The following ZNF787 variants were observed in gnomAD, a reference collection of about 807,000 sequenced individuals.
ZNF787 encodes zinc finger protein 787.
Under a neutral mutation model 16.9 loss-of-function variants are expected in ZNF787, and 7 were observed. That is an observed-to-expected ratio of 0.42 (90% CI 0.24 to 0.78). The LOEUF (loss-of-function observed/expected upper bound fraction) is 0.78, where lower values mean the gene tolerates loss of function less well. Ranked by LOEUF, ZNF787 falls within the 30% of genes least tolerant of loss-of-function variation. ZNF787 has a pLI of 0.30. For missense variants in ZNF787, 551 were observed against 589.3 expected, an observed-to-expected ratio of 0.94 and a Z score of 0.67; for synonymous variants, 345 against 270.9, an observed-to-expected ratio of 1.27 and a Z score of -2.69.
At chr19:56,108,333 C>T (rs2029888570) in intron 1 of ZNF787, among the ~76,000 whole-genome samples, 1 of 135,206 alleles carries the variant, frequency 7.4e-6, no homozygotes, top group Non-Finnish European at 1.6e-5. Flanking sequence ...GCCCAGAGCT[C>T]CCCGGCTCCC....
chr19:56,113,402 C>T lies in ZNF787; in HGVS notation c.-11+7770G>A, dbSNP rs139320235. Among the ~76,000 whole-genome samples the T allele has an allele frequency of 2.6e-3, 400 of 152,304 alleles. 1 individual carries two copies. The highest frequency in any genetic ancestry group is 9.1e-3 in the African/African-American group (378 of 41,558). ...CCGAGAGAAAACATGCGTCCGTCCA[C>T]GCAAAAATCTGCACACGAATGTTCA... On this transcript the variant is annotated intron_variant, in intron 1 of 2. Coordinates refer to ENST00000610935, the MANE Select transcript of ZNF787 (RefSeq NM_001002836.4).
intron 2 of ZNF787, among the ~76,000 whole-genome samples, chr19:56,092,378 G>A (rs1985640713): frequency 6.6e-6 from 1 of 152,110 alleles, no homozygotes; most frequent in Non-Finnish European, 1.5e-5. Context: ...CGAGGGGATG[G>A]GCTGGGGGGC....
chr19:56,098,603 T>C lies in ZNF787; in HGVS notation c.79+4536A>G, dbSNP rs551709878. ...CCACCAGGTGATTACGGCCGCAGGG[T>C]GATGCCGCCCGGGTGATTACGGCCG... On this transcript the variant is annotated intron_variant, in intron 2 of 2. Coordinates refer to ENST00000610935, the MANE Select transcript of ZNF787 (RefSeq NM_001002836.4). Among the ~76,000 whole-genome samples, 481 of 135,452 alleles carry C rather than the reference T, an allele frequency of 3.6e-3. 34 individuals carry two copies. Among genetic ancestry groups the C allele is most frequent in the African/African-American group, 0.014 (447 of 32,302 alleles). 88.9% of individuals were successfully genotyped at this position (135,452 alleles called of 152,430 possible).
Position 56,088,276 on chromosome 19 carries a change from T to C in ZNF787, c.896A>G (p.Gln299Arg). The change falls in exon 3 of 3, where the codon CAG becomes CGG. Residue 299 changes from glutamine (Q) to arginine (R), a missense_variant. Gln to Arg is a conservative substitution (Grantham distance 43). Coordinates refer to ENST00000610935, the MANE Select transcript of ZNF787 (RefSeq NM_001002836.4). The surrounding 1 kb of genome is among the most constrained non-coding windows in gnomAD (Gnocchi z 8.6). ...FGHGAGLLAH[Q>R]RAQHGDGLGA... ...GAGCCCGTCCCCGTGCTGGGCCCGCTGGTGCGCCAGGAGCCCGGCCCCGTG... is the reference window on the plus strand; with the variant it reads ...GAGCCCGTCCCCGTGCTGGGCCCGCCGGTGCGCCAGGAGCCCGGCCCCGTG... 1.4e-6 allele frequency: 2 copies of C among 1,406,268 alleles called. No individual in the cohort carries two copies. The highest frequency in any genetic ancestry group is 1.8e-6 in the Non-Finnish European group (2 of 1,083,862). 87.1% of individuals were successfully genotyped at this position (1,406,268 alleles called of 1,614,324 possible). A position where few individuals can be genotyped will look rare whatever the true frequency, so the allele number is the denominator to read the frequency against.
intron 2 of ZNF787, among the ~76,000 whole-genome samples, chr19:56,096,262 T>TAAAAAAAAAAAAAAATA (rs1555776030): frequency 7.2e-6 from 1 of 138,656 alleles, no homozygotes. Flanking sequence ...ATAAAAAAAA[T>TAAAAAAAAAAAAAAATA]AAAAAAACTA....
intron 2 of ZNF787, among the ~76,000 whole-genome samples, chr19:56,092,161 G>C (rs562720969): frequency 6.6e-6 from 1 of 152,262 alleles, no homozygotes; most frequent in East Asian, 1.9e-4. Context: ...AGAAGAGCAC[G>C]GTGAGGAGCA....
chr19:56,107,306 C>T (rs1399428201), intron 1 of ZNF787, among the ~76,000 whole-genome samples: 1 of 152,162 alleles, frequency 6.6e-6, no homozygotes, highest in Non-Finnish European at 1.5e-5. Context: ...AGTCTATGCC[C>T]AGTACCACCC....
rs148473151 is a variant in ZNF787, at chr19:56,094,278, C to T, written c.80-5186G>A. ...AACCTCTGCCCTCAAGTGATCCACC[C>T]GCCTTGGCCTCCCAAAGTGCTGGGA... is the stretch of plus-strand genomic sequence containing the variant. On this transcript the variant is annotated intron_variant, in intron 2 of 2. Transcript: ENST00000610935. Among the ~76,000 whole-genome samples, 452 of 150,930 alleles carry T rather than the reference C, an allele frequency of 3.0e-3. 2 individuals carry two copies. Among genetic ancestry groups the T allele is most frequent in the African/African-American group, 0.01 (425 of 41,072 alleles).
At position 56,120,746 on chromosome 19, in the gene ZNF787, G is replaced by A. The variant is rs545992326; in HGVS notation, c.-11+426C>T. On this transcript the variant is annotated intron_variant, in intron 1 of 2. Coordinates refer to ENST00000610935, the MANE Select transcript of ZNF787 (RefSeq NM_001002836.4). The stretch of plus-strand genomic sequence containing the variant: ...ACCTGGGCCTCAACTTCCCCCCGAA[G>A]TCGCCACCACTTCCGGCCACGACCG... Among the ~76,000 whole-genome samples the A allele has an allele frequency of 6.7e-5, 10 of 149,034 alleles. No individual in the cohort carries two copies. The South Asian group carries it at 2.1e-3, about 32-fold the overall frequency.
chr19:56,107,693 G>C (rs1355081854), intron 1 of ZNF787, among the ~76,000 whole-genome samples: 1 of 152,032 alleles, frequency 6.6e-6, no homozygotes, highest in Admixed American at 6.6e-5. Flanking sequence ...GGGGGTCTAG[G>C]GGGAGAAAGT....
In ZNF787 at chr19:56,087,901, G is replaced by T. The variant is rs561269461; in HGVS notation, c.*122C>A. The T allele has an allele frequency of 1.6e-6, 2 of 1,271,142 alleles. No homozygotes were observed. The highest frequency in any genetic ancestry group is 2.0e-6 in the Non-Finnish European group (2 of 1,008,060). 78.7% of individuals were successfully genotyped at this position (1,271,142 alleles called of 1,614,324 possible). A position where few individuals can be genotyped will look rare whatever the true frequency, so the allele number is the denominator to read the frequency against. On this transcript the variant is annotated 3_prime_UTR_variant, in exon 3 of 3. Transcript: ENST00000610935. The stretch of plus-strand genomic sequence containing the variant: ...GCGCAGGGACAGAGGAGGGCGGGGA[G>T]CCGGGGATGCCGCGGGGTCCATCGC...
chr19:56,109,330 C>T (rs1455714275), intron 1 of ZNF787, among the ~76,000 whole-genome samples: 6 of 152,030 alleles, frequency 3.9e-5, no homozygotes, highest in African/African-American at 1.4e-4. Flanking sequence ...GCAGCAGATG[C>T]GAGAAGGGTG....
At chr19:56,091,942 AAAGCCAAAG>A (rs1568523401) in intron 2 of ZNF787, among the ~76,000 whole-genome samples, 8 of 55,776 alleles carry the variant, frequency 1.4e-4, no homozygotes, top group African/African-American at 2.4e-4. Flanking sequence ...AGCCGAAGCC[AAAGCCAAAG>A]CCGAAACCGA....
At chr19:56,097,536 G>A (rs1031896005) in intron 2 of ZNF787, among the ~76,000 whole-genome samples, 6 of 152,248 alleles carry the variant, frequency 3.9e-5, no homozygotes, top group African/African-American at 1.4e-4. Flanking sequence ...TGCGTGGACG[G>A]CGGCCAGCAT....
chr19:56,119,386 G>C (rs189836288), intron 1 of ZNF787, among the ~76,000 whole-genome samples: 1 of 152,376 alleles, frequency 6.6e-6, no homozygotes, highest in Non-Finnish European at 1.5e-5. Context: ...CAAGGTCACA[G>C]AAGTGGAAGA....
intron 1 of ZNF787, among the ~76,000 whole-genome samples, chr19:56,117,642 C>T (rs1328654084): frequency 6.6e-6 from 1 of 152,250 alleles, no homozygotes; most frequent in East Asian, 1.9e-4. Flanking sequence ...TCCCCTTTAA[C>T]GTCCACCATT....
At position 56,089,133 on chromosome 19, in the gene ZNF787, C is replaced by G. The variant is rs1346334224; in HGVS notation, c.80-41G>C. The G allele has an allele frequency of 2.9e-6, 4 of 1,398,080 alleles. No individual in the cohort carries two copies. In the East Asian group the frequency reaches 8.0e-5, roughly 28 times the overall value. 86.6% of individuals were successfully genotyped at this position (1,398,080 alleles called of 1,614,324 possible). A position where few individuals can be genotyped will look rare whatever the true frequency, so the allele number is the denominator to read the frequency against. On this transcript the variant is annotated intron_variant, in intron 2 of 2. Coordinates refer to ENST00000610935, the MANE Select transcript of ZNF787 (RefSeq NM_001002836.4). ...GTAGGGGGAGGTGAGTCAAGAGAGG[C>G]AAGGGCTCCACGCCTGCCTTGGCTG... is the stretch of plus-strand genomic sequence containing the variant.
rs1477760497 is a variant in ZNF787, at chr19:56,087,487, G to C, written c.*536C>G. On this transcript the variant is annotated 3_prime_UTR_variant, in exon 3 of 3. Coordinates refer to ENST00000610935, the MANE Select transcript of ZNF787 (RefSeq NM_001002836.4). ...TGCTACCCGGAATCCAGGAGGGGAA[G>C]GAACGACTCGAGCTCTAAGGATGGG... 6.6e-6 allele frequency: 1 copy of C among 152,280 alleles called. No individual in the cohort carries two copies. Among genetic ancestry groups the C allele is most frequent in the Non-Finnish European group, 1.5e-5 (1 of 68,092 alleles). The allele number at this position is 152,280 out of a possible 1,614,324, so 9.4% of individuals were successfully genotyped here.
chr19:56,120,410 C>T (rs538851784), intron 1 of ZNF787, among the ~76,000 whole-genome samples: 18 of 152,304 alleles, frequency 1.2e-4, no homozygotes, highest in African/African-American at 4.3e-4. Context: ...AGTCGCCACC[C>T]GATCCAGTCC....
Sources: gnomAD v4.1 joint callset for allele counts (sites outside exome capture counted in the v4.1 genomes callset) on GRCh38, gnomAD v4.1.1 for gene constraint, Gnocchi (gnomAD v3.1) non-coding constraint, MANE v1.5 for transcripts, NCBI Gene and HGNC (gene_info 2026-07-23, HGNC 2026-07-21) for gene names.